Variants in LMBRD1 observed in about 807,000 individuals in gnomAD.
LMBRD1 encodes LMBR1 domain containing 1.
In LMBRD1, 64 loss-of-function variants were observed where a neutral mutation model predicts 74.8. The observed-to-expected ratio is 0.86, with a 90% CI of 0.70 to 1.05. The LOEUF (loss-of-function observed/expected upper bound fraction) is 1.05. Ranked by LOEUF, LMBRD1 falls within the 50% of genes least tolerant of loss-of-function variation. The pLI, the probability that LMBRD1 is intolerant of heterozygous loss-of-function variation, is 0.00. For synonymous variants in LMBRD1, 204 were observed against 216.3 expected (o/e 0.94, Z 0.50); for missense variants, 652 against 645.9 (o/e 1.01, Z -0.10).
chr6:69,679,915 G>A (rs1765625910), intron 14 of LMBRD1, among the ~76,000 whole-genome samples: 1 of 152,092 alleles, frequency 6.6e-6, no homozygotes. Flanking sequence ...AAGGTATAGA[G>A]AACAATTGTG....
At chr6:69,758,630 A>G (rs1286851429) in intron 3 of LMBRD1, among the ~76,000 whole-genome samples, 1 of 152,186 alleles carries the variant, frequency 6.6e-6, no homozygotes, top group Non-Finnish European at 1.5e-5. Context: ...AGCCCTGGAT[A>G]GCCTATCTCC....
intron 2 of LMBRD1, among the ~76,000 whole-genome samples, chr6:69,783,357 T>G (rs1765878104): frequency 6.6e-6 from 1 of 152,162 alleles, no homozygotes; most frequent in African/African-American, 2.4e-5. Flanking sequence ...AAACAGAAAT[T>G]TAAAAGTATT....
intron 7 of LMBRD1, among the ~76,000 whole-genome samples, chr6:69,730,766 A>G (rs1324098073): frequency 1.3e-5 from 2 of 152,162 alleles, no homozygotes; most frequent in Non-Finnish European, 2.9e-5. Context: ...GAAAATATTC[A>G]TTAGAATAAT....
At chr6:69,699,003 T>G in intron 13 of LMBRD1, 40 bp downstream of exon 13, 1 of 1,367,454 alleles carries the variant, frequency 7.3e-7, no homozygotes, top group Non-Finnish European at 1.0e-6. Flanking sequence ...TCACTATCTT[T>G]AAAATATCAA....
At chr6:69,688,055 A>G (rs1490998263) in intron 14 of LMBRD1, among the ~76,000 whole-genome samples, 1 of 152,110 alleles carries the variant, frequency 6.6e-6, no homozygotes, top group Non-Finnish European at 1.5e-5. Context: ...TTCATTTTGC[A>G]TTATATTTAG....
chr6:69,703,538 G>A (rs1766181535), intron 9 of LMBRD1, among the ~76,000 whole-genome samples: 1 of 149,560 alleles, frequency 6.7e-6, no homozygotes, highest in Non-Finnish European at 1.5e-5. Context: ...CCCAGAGTTA[G>A]ACTGCTTAAT....
intron 7 of LMBRD1, among the ~76,000 whole-genome samples, chr6:69,733,372 C>T (rs1766904191): frequency 1.3e-5 from 2 of 152,142 alleles, no homozygotes; most frequent in South Asian, 4.1e-4. Context: ...AACTTTGTAT[C>T]CCAACTACAA....
At chr6:69,787,436 G>A (rs1765978162) in intron 2 of LMBRD1, among the ~76,000 whole-genome samples, 1 of 152,098 alleles carries the variant, frequency 6.6e-6, no homozygotes. Flanking sequence ...CAGAACTAGA[G>A]ACAACTTAAT....
At chr6:69,716,882 AATT>A (rs994729002) in intron 8 of LMBRD1, among the ~76,000 whole-genome samples, 2 of 150,274 alleles carry the variant, frequency 1.3e-5, no homozygotes, top group African/African-American at 4.9e-5. Flanking sequence ...ATAAATATTT[AATT>A]ATTAATTAAT....
intron 1 of LMBRD1, among the ~76,000 whole-genome samples, chr6:69,794,074 C>T (rs565253092): frequency 6.6e-6 from 1 of 152,272 alleles, no homozygotes; most frequent in South Asian, 2.1e-4. Flanking sequence ...TGTGAAATCC[C>T]TAGGCCCTGG....
chr6:69,684,233 T>C (rs910562219), intron 14 of LMBRD1, among the ~76,000 whole-genome samples: 4 of 152,178 alleles, frequency 2.6e-5, no homozygotes, highest in Middle Eastern at 6.8e-3. Flanking sequence ...CAATTTATCA[T>C]ATGAAATTAA....
intron 3 of LMBRD1, among the ~76,000 whole-genome samples, chr6:69,767,684 C>A (rs984797141): frequency 1.3e-5 from 2 of 151,878 alleles, no homozygotes; most frequent in African/African-American, 4.8e-5. Flanking sequence ...CATTGGGATA[C>A]AATTTTCTAC....
chr6:69,752,513 GC>G (rs796976673), intron 3 of LMBRD1, among the ~76,000 whole-genome samples, 157 bp from the exon 4 acceptor site: 3 of 152,082 alleles, frequency 2.0e-5, no homozygotes, highest in Admixed American at 6.5e-5. Context: ...TGCCCAAATA[GC>G]CTTTTCTGTC....
At position 69,749,392 on chromosome 6, in the gene LMBRD1, A is replaced by T; in HGVS notation, c.422T>A (p.Leu141His). ...CACAACAAATCCCAAAGTATACTTG[A>T]GTGCCGTTTTAATTTGCTAGATGCC... ...TSKCTQIKTALKYTLGFVVIC... is the reference protein window; with the variant it reads ...TSKCTQIKTAHKYTLGFVVIC... Residue 141 changes from leucine to histidine, a missense_variant, in exon 5 of 16, where the codon CTC becomes CAC. Leu to His is a moderately conservative substitution (Grantham distance 99). Transcript: ENST00000649934. 1 of 1,612,650 alleles carries T rather than the reference A, an allele frequency of 6.2e-7. No individual in the cohort carries two copies. Among genetic ancestry groups the T allele is most frequent in the Non-Finnish European group, 8.5e-7 (1 of 1,179,030 alleles).
intron 1 of LMBRD1, 42 bp from the exon 2 acceptor site, chr6:69,790,514 A>T: frequency 6.3e-7 from 1 of 1,575,504 alleles, no homozygotes. Flanking sequence ...TACCCAGTGT[A>T]TTTTCTCTGA....
At chr6:69,683,028 G>T (rs1390154038) in intron 14 of LMBRD1, among the ~76,000 whole-genome samples, 1 of 151,974 alleles carries the variant, frequency 6.6e-6, no homozygotes, top group Non-Finnish European at 1.5e-5. Context: ...AGATACTGGA[G>T]AACTTAGAAA....
At chr6:69,779,109 C>T (rs555943030) in intron 3 of LMBRD1, among the ~76,000 whole-genome samples, 1 of 151,050 alleles carries the variant, frequency 6.6e-6, no homozygotes, top group South Asian at 2.1e-4. Flanking sequence ...TCGCTTGAAC[C>T]CATGAGGCGG....
At chr6:69,746,771 C>T (rs1367319883) in intron 5 of LMBRD1, 1 of 164,174 alleles carries the variant, frequency 6.1e-6, no homozygotes, top group East Asian at 1.6e-4. Flanking sequence ...CTTTTTCAAA[C>T]TCATTTTCTG....
At chr6:69,772,838 A>G (rs1482690073) in intron 3 of LMBRD1, among the ~76,000 whole-genome samples, 1 of 152,230 alleles carries the variant, frequency 6.6e-6, no homozygotes. Context: ...ATGAGATACT[A>G]GTCAGTTCTT....
Sources: gnomAD v4.1 joint callset for allele counts (sites outside exome capture counted in the v4.1 genomes callset) on GRCh38, gnomAD v4.1.1 for gene constraint, MANE v1.5 for transcripts, NCBI Gene and HGNC (gene_info 2026-07-23, HGNC 2026-07-21) for gene names.